RBPJ: variants seen among roughly 807,000 people sequenced by gnomAD.
RBPJ encodes recombination signal binding protein for immunoglobulin kappa J region.
In RBPJ, 9 loss-of-function variants were observed where a neutral mutation model predicts 67.8. The observed-to-expected ratio is 0.13, with a 90% confidence interval of 0.08 to 0.23. RBPJ has a LOEUF of 0.23. Among genes scored for constraint, RBPJ ranks in the 10% least tolerant of loss-of-function variants. The pLI, the probability that RBPJ is intolerant of heterozygous loss-of-function variation, is 1.00. For missense variants in RBPJ, 305 were observed against 595.6 expected (o/e 0.51, Z 5.08); for synonymous variants, 198 against 203.3 (o/e 0.97, Z 0.22).
chr4:26,215,879 A>C (rs919869256), intron 1 of RBPJ, among the ~76,000 whole-genome samples: 1 of 152,166 alleles, frequency 6.6e-6, no homozygotes, highest in Non-Finnish European at 1.5e-5. Flanking sequence ...ATTGGGGGTG[A>C]GGGGCATGGC....
At position 26,430,763 on chromosome 4, in the gene RBPJ, A is replaced by G. The variant is rs115299796; in HGVS notation, c.1220A>G (p.Gln407Arg). The change falls in exon 11 of 11, where the codon CAA (glutamine) becomes CGA (arginine). Residue 407 changes from glutamine (Q) to arginine (R), a missense_variant. Gln to Arg is a conservative substitution (Grantham distance 43, BLOSUM62 1). This residue lies in a region of RBPJ where 47 missense variants were observed against 128.2 expected (regional missense o/e 0.37). Transcript: ENST00000355476. This position sits in a 1 kb window ranked among gnomAD's most constrained non-coding sequence, Gnocchi z 4.1. ...AFREGWRWVR[Q>R]PVQVPVTLVR... ...CGAGAAGGTTGGAGATGGGTCCGGC[A>G]ACCAGTCCAGGTTCCAGTAACTTTG... 1 of 1,614,138 alleles carries G rather than the reference A, an allele frequency of 6.2e-7. No homozygotes were observed. The highest frequency in any genetic ancestry group is 1.3e-5 in the African/African-American group (1 of 75,010).
At chr4:26,222,494 CAAAAA>C (rs35321984) in intron 1 of RBPJ, among the ~76,000 whole-genome samples, 62 of 58,834 alleles carry the variant, frequency 1.1e-3, no homozygotes, top group Non-Finnish European at 2.0e-3. Flanking sequence ...AACTCAATCT[CAAAAA>C]AAAAAAAAAA....
intron 1 of RBPJ, among the ~76,000 whole-genome samples, chr4:26,270,668 C>A (rs1458939765): frequency 6.6e-6 from 1 of 152,008 alleles, no homozygotes; most frequent in Non-Finnish European, 1.5e-5. Context: ...AGGTGTACTT[C>A]ATCCCCCTTG....
chr4:26,285,720 G>C (rs1334671458), intron 1 of RBPJ, among the ~76,000 whole-genome samples: 3 of 140,710 alleles, frequency 2.1e-5, no homozygotes, highest in African/African-American at 8.4e-5. Context: ...ATTATCAAAT[G>C]CATTCCAGAC....
chr4:26,204,711 A>C (rs1270633343), intron 1 of RBPJ, among the ~76,000 whole-genome samples: 1 of 152,224 alleles, frequency 6.6e-6, no homozygotes, highest in African/African-American at 2.4e-5. Flanking sequence ...GTCTGGCCTC[A>C]GTTTTCTTAG....
chr4:26,314,571 C>T (rs374492282), intron 1 of RBPJ, among the ~76,000 whole-genome samples: 33 of 151,784 alleles, frequency 2.2e-4, no homozygotes, highest in East Asian at 1.7e-3. Context: ...TTGTGAGATC[C>T]GGTCATTTAA....
chr4:26,232,150 C>A (rs568284056), intron 1 of RBPJ, among the ~76,000 whole-genome samples: 63 of 152,264 alleles, frequency 4.1e-4, no homozygotes, highest in African/African-American at 1.3e-3. Context: ...ACCTCCTCAG[C>A]CTCCCAAAGT....
In RBPJ at chr4:26,259,634, C is replaced by T. The variant is rs977119404; in HGVS notation, c.-167+96020C>T. ...AGTCAATCCAGGTGCACCAGTTGTG[C>T]CACTCAGACAGTGGAAATTTGCTTA... On this transcript the variant is annotated intron_variant, in intron 1 of 4. Coordinates refer to the RBPJ transcript ENST00000512351. Among the ~76,000 whole-genome samples, 3 of 152,314 alleles carry T rather than the reference C, an allele frequency of 2.0e-5. No individual in the cohort carries two copies. The East Asian group carries it at 5.8e-4, about 29-fold the overall frequency.
intron 1 of RBPJ, among the ~76,000 whole-genome samples, chr4:26,259,539 C>A (rs913338688): frequency 2.6e-5 from 4 of 152,218 alleles, no homozygotes; most frequent in African/African-American, 9.6e-5. Context: ...TACAGCAATT[C>A]TTCAAAGAAA....
chr4:26,210,752 CTTCTTTCT>C (rs762128862), intron 1 of RBPJ, among the ~76,000 whole-genome samples: 119 of 47,292 alleles, frequency 2.5e-3, no homozygotes, highest in Non-Finnish European at 3.2e-3. Flanking sequence ...TCCTTCTTTC[CTTCTTTCT>C]TTCTTTCTTT....
intron 1 of RBPJ, among the ~76,000 whole-genome samples, chr4:26,249,431 A>G (rs949784378): frequency 5.9e-5 from 9 of 152,258 alleles, no homozygotes; most frequent in African/African-American, 1.9e-4. Context: ...AGGCTGAGGC[A>G]GGCAGATCAC....
At chr4:26,214,840 A>G (rs1394073815) in intron 1 of RBPJ, among the ~76,000 whole-genome samples, 1 of 134,482 alleles carries the variant, frequency 7.4e-6, no homozygotes, top group Admixed American at 7.4e-5. Context: ...GAAAGGAAGG[A>G]AGGGAGGGAG....
chr4:26,267,595 T>C (rs903215609), intron 1 of RBPJ, among the ~76,000 whole-genome samples: 2 of 151,852 alleles, frequency 1.3e-5, no homozygotes, highest in African/African-American at 4.8e-5. Flanking sequence ...TACATATATA[T>C]GTAATTTTTA....
intron 7 of RBPJ, 89 bp from the exon 8 acceptor site, chr4:26,428,631 A>G (rs751795981): frequency 6.3e-5 from 59 of 936,896 alleles, no homozygotes; most frequent in Non-Finnish European, 9.2e-5. Flanking sequence ...ATTATGCAGT[A>G]TATAGCTTCT....
chr4:26,387,133 T>C (rs1730997765), intron 2 of RBPJ, among the ~76,000 whole-genome samples: 1 of 152,204 alleles, frequency 6.6e-6, no homozygotes, highest in East Asian at 1.9e-4. Context: ...TTCCCCTTAA[T>C]GGCTCCATGG....
intron 1 of RBPJ, among the ~76,000 whole-genome samples, chr4:26,288,776 G>T (rs1721564627): frequency 6.6e-6 from 1 of 152,152 alleles, no homozygotes; most frequent in Non-Finnish European, 1.5e-5. Context: ...TTCTCATTGG[G>T]TTGTCACAAC....
At chr4:26,419,171 G>T (rs1037986178) in intron 4 of RBPJ, among the ~76,000 whole-genome samples, 4 of 152,054 alleles carry the variant, frequency 2.6e-5, no homozygotes, top group South Asian at 2.1e-4. Context: ...TAGAGATGGG[G>T]TTTCACCATG....
chr4:26,214,898 GAA>G (rs555232791), intron 1 of RBPJ, among the ~76,000 whole-genome samples: 36,302 of 63,538 alleles, frequency 0.57, 9,458 homozygotes, highest in African/African-American at 0.76. Context: ...AGAAAAAAGA[GAA>G]AAAGAAAGAA....
chr4:26,358,243 T>C lies in RBPJ; in HGVS notation c.21-28110T>C, dbSNP rs914205063. ...AAATATATCATGACCATTGGAAAAA[T>C]AGCATAAAATATGTATCCTACTAGT... On this transcript the variant is annotated intron_variant, in intron 1 of 10. Transcript: ENST00000355476. 1.1e-4 allele frequency among the ~76,000 whole-genome samples: 16 copies of C among 151,878 alleles called. 1 individual carries two copies. Among genetic ancestry groups the C allele is most frequent in the African/African-American group, 3.9e-4 (16 of 41,318 alleles).
Sources: gnomAD v4.1 joint callset for allele counts (sites outside exome capture counted in the v4.1 genomes callset) on GRCh38, gnomAD v4.1.1 for gene constraint, gnomAD v4.1.1 regional missense constraint, Gnocchi (gnomAD v3.1) non-coding constraint, MANE v1.5 for transcripts, NCBI Gene and HGNC (gene_info 2026-07-23, HGNC 2026-07-21) for gene names.